Variants in ALK observed in about 807,000 individuals in gnomAD.
ALK encodes the protein ALK tyrosine kinase receptor.
A neutral mutation model predicts 163.1 loss-of-function variants in ALK; 74 were observed. That is an observed-to-expected ratio of 0.45 (90% CI 0.38 to 0.55). ALK has a LOEUF of 0.55. ALK is among the 20% of genes least tolerant of loss of function. The pLI is 0.00. For missense variants in ALK, 2,063 were observed against 2,105.3 expected (o/e 0.98, Z 0.39); for synonymous variants, 960 against 843.2 (o/e 1.14, Z -2.40).
At chr2:29,278,666 AGCAG>A (rs1286857544) in intron 9 of ALK, among the ~76,000 whole-genome samples, 1 of 152,242 alleles carries the variant, frequency 6.6e-6, no homozygotes, top group African/African-American at 2.4e-5. Context: ...GTCTTGTTAA[AGCAG>A]GTGCAACCCT....
chr2:29,485,343 T>A (rs1011467449), intron 4 of ALK, among the ~76,000 whole-genome samples: 2 of 152,260 alleles, frequency 1.3e-5, no homozygotes, highest in Non-Finnish European at 2.9e-5. Context: ...GACTTATTTT[T>A]AATTCATTTT....
rs2148137192 is a variant in ALK, at chr2:29,193,322, G to A, written c.4765C>T (p.Gln1589Ter). The A allele has an allele frequency of 6.2e-7, 1 of 1,614,196 alleles. No homozygotes were observed. Among genetic ancestry groups the A allele is most frequent in the Non-Finnish European group, 8.5e-7 (1 of 1,180,026 alleles). ...CGNVNYGYQQ[Q>*]GLPLEAATAP... ...GTAGCGGCTTCTAAGGGCAAGCCCT[G>A]TTGCTGGTAGCCGTAATTGACATTC... The change falls in exon 29 of 29, where the codon CAG (glutamine) becomes TAG (stop). Residue 1589 changes from glutamine to a stop codon, truncating the protein, a stop_gained. Coordinates refer to ENST00000389048, the MANE Select transcript of ALK (RefSeq NM_004304.5). LOFTEE classifies it low-confidence loss of function (END_TRUNC).
chr2:29,403,982 T>C (rs1370921642), intron 4 of ALK, among the ~76,000 whole-genome samples: 3 of 152,006 alleles, frequency 2.0e-5, no homozygotes, highest in Non-Finnish European at 4.4e-5. Flanking sequence ...CATCCTTGCA[T>C]TTCAATCTAA....
chr2:29,654,658 G>A (rs1321091017), intron 3 of ALK, among the ~76,000 whole-genome samples: 1 of 152,052 alleles, frequency 6.6e-6, no homozygotes, highest in Non-Finnish European at 1.5e-5. Context: ...TTTGAAGATG[G>A]AAATTTTAGA....
intron 1 of ALK, among the ~76,000 whole-genome samples, chr2:29,737,429 G>A (rs563704854): frequency 1.4e-4 from 22 of 152,178 alleles, no homozygotes; most frequent in African/African-American, 5.3e-4. Context: ...TTCATATATA[G>A]TTTAAAAAAT....
intron 1 of ALK, among the ~76,000 whole-genome samples, chr2:29,848,450 A>C (rs970877465): frequency 6.6e-6 from 1 of 151,956 alleles, no homozygotes; most frequent in African/African-American, 2.4e-5. Context: ...TTCTAACCAT[A>C]CCACCTTCAA....
chr2:29,521,906 A>G (rs778058210), intron 4 of ALK, among the ~76,000 whole-genome samples: 5 of 152,240 alleles, frequency 3.3e-5, no homozygotes, highest in Non-Finnish European at 4.4e-5. Context: ...TAGGCTCTCT[A>G]TGACCTTCGG....
rs145500315 is a variant in ALK at position 29,871,648 on chromosome 2, A to G, written c.667+48345T>C. The stretch of plus-strand genomic sequence containing the variant: ...CTGCCTTGACTACATATGTGCTTAA[A>G]AAGAGCTTTGGACACTCTACAGTGG... On this transcript the variant is annotated intron_variant, in intron 1 of 28. Transcript: ENST00000389048. Among the ~76,000 whole-genome samples, 7 of 152,326 alleles carry G rather than the reference A, an allele frequency of 4.6e-5. No individual in the cohort carries two copies. In the East Asian group the frequency reaches 1.3e-3, roughly 29 times the overall value.
intron 1 of ALK, among the ~76,000 whole-genome samples, chr2:29,803,337 C>T (rs1299597615): frequency 6.6e-6 from 1 of 152,208 alleles, no homozygotes; most frequent in African/African-American, 2.4e-5. Context: ...TATTGTAAAG[C>T]TGAATAGAGT....
intron 4 of ALK, among the ~76,000 whole-genome samples, chr2:29,511,329 T>C (rs902774812): frequency 2.6e-5 from 4 of 152,192 alleles, no homozygotes; most frequent in Non-Finnish European, 5.9e-5. Flanking sequence ...CCTTGCTCTC[T>C]GTCATTAGAG....
intron 4 of ALK, among the ~76,000 whole-genome samples, chr2:29,456,370 T>A (rs1352392056): frequency 6.6e-6 from 1 of 152,120 alleles, no homozygotes; most frequent in African/African-American, 2.4e-5. Flanking sequence ...CACAATGTAA[T>A]ATTATTCAGC....
chr2:29,288,987 T>G (rs1230869001), intron 9 of ALK, among the ~76,000 whole-genome samples: 2 of 137,212 alleles, frequency 1.5e-5, no homozygotes, highest in Admixed American at 7.2e-5. Flanking sequence ...AATAAATAAA[T>G]AAATAAATAA....
intron 4 of ALK, among the ~76,000 whole-genome samples, chr2:29,507,184 T>C (rs1201478415): frequency 1.3e-5 from 2 of 152,204 alleles, no homozygotes; most frequent in African/African-American, 4.8e-5. Flanking sequence ...AATGGAATAT[T>C]ATTCAGCATT....
At chr2:29,700,992 C>G (rs937409372) in intron 2 of ALK, among the ~76,000 whole-genome samples, 2 of 152,228 alleles carry the variant, frequency 1.3e-5, no homozygotes, top group African/African-American at 4.8e-5. Context: ...ATTGGTTACT[C>G]AGGCAGAGAT....
intron 4 of ALK, among the ~76,000 whole-genome samples, chr2:29,395,553 G>C (rs1289577214): frequency 1.3e-5 from 2 of 152,196 alleles, no homozygotes; most frequent in Non-Finnish European, 2.9e-5. Context: ...AGGGTCTTCA[G>C]AAGCAAGTTC....
At chr2:29,850,346 G>C (rs1665958134) in intron 1 of ALK, among the ~76,000 whole-genome samples, 1 of 152,162 alleles carries the variant, frequency 6.6e-6, no homozygotes, top group Admixed American at 6.5e-5. Flanking sequence ...GGAATGTCCT[G>C]TTTCTTGATC....
rs561084232 is a variant in ALK at position 29,829,059 on chromosome 2, G to C, written c.667+90934C>G. On this transcript the variant is annotated intron_variant, in intron 1 of 28. Coordinates refer to ENST00000389048, the MANE Select transcript of ALK (RefSeq NM_004304.5). Reference sequence around the variant, plus strand: ...AAACCATCATTCTCAGCAAACTATCGCAAGGACAAAAAACCAAACACCGCA... The same window carrying C: ...AAACCATCATTCTCAGCAAACTATCCCAAGGACAAAAAACCAAACACCGCA... Among the ~76,000 whole-genome samples the C allele has an allele frequency of 2.0e-5, 3 of 150,226 alleles. No individual in the cohort carries two copies. The East Asian group carries it at 5.9e-4, about 30-fold the overall frequency.
intron 9 of ALK, among the ~76,000 whole-genome samples, chr2:29,291,706 A>G (rs191625825): frequency 1.3e-5 from 2 of 152,350 alleles, no homozygotes; most frequent in Admixed American, 1.3e-4. Flanking sequence ...CTGTGATTCA[A>G]TTAACAGAAA....
intron 5 of ALK, among the ~76,000 whole-genome samples, chr2:29,336,503 A>G (rs1289438966): frequency 6.6e-6 from 1 of 152,192 alleles, no homozygotes; most frequent in African/African-American, 2.4e-5. Flanking sequence ...CTCTCTGGAT[A>G]TAGTAGAAAT....
Sources: allele counts gnomAD v4.1 joint callset (sites outside exome capture counted in the v4.1 genomes callset), GRCh38; gene constraint gnomAD v4.1.1; transcripts MANE v1.5; gene names NCBI Gene and HGNC (gene_info 2026-07-23, HGNC 2026-07-21).